Variants in TAGLN2 observed in about 807,000 individuals in gnomAD.
The protein encoded by TAGLN2 is transgelin-2.
A neutral mutation model predicts 24.9 loss-of-function variants in TAGLN2; 14 were observed. That is an observed-to-expected ratio of 0.56 (90% CI 0.37 to 0.88). The LOEUF is 0.88. Among genes scored for constraint, TAGLN2 ranks in the 40% least tolerant of loss-of-function variants. TAGLN2 has a pLI of 0.00. For synonymous variants in TAGLN2, 77 were observed against 98.2 expected (o/e 0.78, Z 1.28); for missense variants, 208 against 258.9 (o/e 0.80, Z 1.35).
chr1:159,924,666 G>C (rs1650646163), intron 1 of TAGLN2: 1 of 152,166 alleles, frequency 6.6e-6, no homozygotes, highest in Non-Finnish European at 1.5e-5. Context: ...CCCGCCGCTG[G>C]GGTGACGCAG....
intron 1 of TAGLN2, chr1:159,923,517 T>C: frequency 2.6e-6 from 4 of 1,534,198 alleles, no homozygotes; most frequent in African/African-American, 1.4e-5. Flanking sequence ...GGGTGTTTAA[T>C]TGGGAAGACA....
chr1:159,920,203 C>G, intron 2 of TAGLN2, 127 bp downstream of exon 2: 2 of 1,493,044 alleles, frequency 1.3e-6, no homozygotes, highest in Non-Finnish European at 1.9e-6. Flanking sequence ...CAAAGGCCTT[C>G]AAGCTGAGGA....
intron 1 of TAGLN2, among the ~76,000 whole-genome samples, chr1:159,923,081 A>C (rs1022671872): frequency 1.3e-5 from 2 of 152,242 alleles, no homozygotes; most frequent in African/African-American, 4.8e-5. Flanking sequence ...GGGCAGGCAG[A>C]AGCTGATGGG....
At chr1:159,923,365 C>CA (rs1408917512) in intron 1 of TAGLN2, 1 of 1,516,074 alleles carries the variant, frequency 6.6e-7, no homozygotes, top group African/African-American at 1.4e-5. Flanking sequence ...CCTGGAGTTA[C>CA]AATAGGCGGG....
At position 159,920,590 on chromosome 1, in the gene TAGLN2, T is replaced by C. The variant is rs1650500181; in HGVS notation, c.-28-53A>G. On this transcript the variant is annotated intron_variant, in intron 1 of 4. Coordinates refer to ENST00000368097, the MANE Select transcript of TAGLN2 (RefSeq NM_003564.3). Reference sequence around the variant, plus strand: ...GGTCAACACCTTGCAGCCTGGGGAGTGGGGAATTCAGGAATTCTGCCTGCA... The same window carrying C: ...GGTCAACACCTTGCAGCCTGGGGAGCGGGGAATTCAGGAATTCTGCCTGCA... The C allele has an allele frequency of 3.8e-6, 6 of 1,565,008 alleles. No individual in the cohort carries two copies. The South Asian group carries it at 4.7e-5, about 12-fold the overall frequency.
intron 1 of TAGLN2, chr1:159,923,324 C>A: frequency 7.9e-7 from 1 of 1,269,396 alleles, no homozygotes; most frequent in Non-Finnish European, 1.1e-6. Flanking sequence ...CCTAGCGCTA[C>A]TGCAGCTGTG....
chr1:159,921,411 C>T (rs1650529074), intron 1 of TAGLN2, among the ~76,000 whole-genome samples: 2 of 152,106 alleles, frequency 1.3e-5, no homozygotes, highest in African/African-American at 4.8e-5. Context: ...GTCAGAGTCA[C>T]ACAGGGCCAT....
At position 159,919,790 on chromosome 1, in the gene TAGLN2, G is replaced by C; in HGVS notation, c.226C>G (p.Pro76Ala). 1 of 1,614,082 alleles carries C rather than the reference G, an allele frequency of 6.2e-7. No homozygotes were observed. The highest frequency in any genetic ancestry group is 1.1e-5 in the South Asian group (1 of 91,074). Residue 76 changes from proline to alanine, a missense_variant, in exon 3 of 5, where the codon CCA becomes GCA. By Grantham distance (27) the Pro-to-Ala change is conservative (BLOSUM62 -1). Coordinates refer to ENST00000368097, the MANE Select transcript of TAGLN2 (RefSeq NM_003564.3). ...GTGGAGGCCTGGATCTTCTTTACTG[G>C]GGCCTGCCCCTCGGGGTACAGTGCA... ...INALYPEGQA[P>A]VKKIQASTMA...
At chr1:159,921,417 G>A (rs1051452155) in intron 1 of TAGLN2, among the ~76,000 whole-genome samples, 1 of 152,090 alleles carries the variant, frequency 6.6e-6, no homozygotes, top group South Asian at 2.1e-4. Context: ...GTCACACAGG[G>A]CCATGAACCA....
At position 159,918,919 on chromosome 1, in the gene TAGLN2, T is replaced by G; in HGVS notation, c.481A>C (p.Asn161His). ...FPKKSKENPR[N>H]FSDNQLQEGK... The stretch of plus-strand genomic sequence containing the variant: ...TCTTGCAGCTGGTTATCCGAGAAGT[T>G]CCGAGGATTCTCCTTGGATTTCCTG... The change falls in exon 5 of 5, where the codon AAC becomes CAC. Residue 161 changes from asparagine (N) to histidine (H), a missense_variant. Physicochemically the swap from Asn to His is moderately conservative, Grantham distance 68. Transcript: ENST00000368097. The G allele has an allele frequency of 1.2e-6, 2 of 1,614,150 alleles. No individual in the cohort carries two copies. Among genetic ancestry groups the G allele is most frequent in the Non-Finnish European group, 1.7e-6 (2 of 1,180,010 alleles).
chr1:159,924,563 CTCCGG>C (rs1441474766), intron 1 of TAGLN2: 1 of 152,370 alleles, frequency 6.6e-6, no homozygotes, highest in Non-Finnish European at 1.5e-5. Flanking sequence ...GGCAGTCCAC[CTCCGG>C]TCCTGCAGGT....
rs372231624 is a variant in TAGLN2, at chr1:159,919,806, G to A, written c.210C>T (p.Tyr70=). 4.5e-5 allele frequency: 73 copies of A among 1,614,058 alleles called. No individual in the cohort carries two copies. Among genetic ancestry groups the A allele is most frequent in the Non-Finnish European group, 6.0e-5 (71 of 1,180,028 alleles). ...TCTTTACTGGGGCCTGCCCCTCGGG[G>A]TACAGTGCATTAATGAGCTCACATA... is the stretch of plus-strand genomic sequence containing the variant. The part of the protein sequence containing the change: ...TVLCELINAL[Y]PEGQAPVKKI... Residue 70 remains tyrosine, a synonymous_variant, in exon 3 of 5, where the codon TAC becomes TAT. Coordinates refer to ENST00000368097, the MANE Select transcript of TAGLN2 (RefSeq NM_003564.3).
chr1:159,923,696 G>T, intron 1 of TAGLN2: 2 of 433,880 alleles, frequency 4.6e-6, no homozygotes, highest in South Asian at 4.5e-5. Flanking sequence ...GGGAACCACC[G>T]TAGGGCAGCC....
chr1:159,918,925 G>A lies in TAGLN2; in HGVS notation c.475C>T (p.Pro159Ser), dbSNP rs1184127847. 1.6e-5 allele frequency: 26 copies of A among 1,614,202 alleles called. No homozygotes were observed. The highest frequency in any genetic ancestry group is 2.2e-5 in the Non-Finnish European group (26 of 1,180,020). ...AGCTGGTTATCCGAGAAGTTCCGAG[G>A]ATTCTCCTTGGATTTCCTGGGTGAC... Reference protein sequence around the residue: ...NWFPKKSKENPRNFSDNQLQE... With the variant: ...NWFPKKSKENSRNFSDNQLQE... The change falls in exon 5 of 5, where the codon CCT (proline) becomes TCT (serine). Residue 159 changes from proline (P) to serine (S), a missense_variant. Physicochemically the swap from Pro to Ser is moderately conservative, Grantham distance 74. Transcript: ENST00000368097.
chr1:159,920,227 T>C lies in TAGLN2; in HGVS notation c.180+103A>G, dbSNP rs74124757. 2.0e-4 allele frequency: 316 copies of C among 1,564,906 alleles called. 2 individuals carry two copies. The Middle Eastern group carries it at 4.4e-3, about 22-fold the overall frequency. ...TCAAGCTGAGGAAGAGGCTGGGACA[T>C]GTGTGCCTTCAGTCTTCTCCTCTTC... On this transcript the variant is annotated intron_variant, in intron 2 of 4. Transcript: ENST00000368097.
At position 159,919,738 on chromosome 1, in the gene TAGLN2, A is replaced by T; in HGVS notation, c.278T>A (p.Ile93Asn). ...STMAFKQMEQ[I>N]SQFLQAAERY... ...CTCAGCTGCTTGCAGGAACTGAGAG[A>T]TCTGCTCCATCTGCTTGAAGGCCAT... The change falls in exon 3 of 5, where the codon ATC becomes AAC. Residue 93 changes from isoleucine to asparagine, a missense_variant. Transcript: ENST00000368097. 1 of 1,613,888 alleles carries T rather than the reference A, an allele frequency of 6.2e-7. No individual in the cohort carries two copies. Among genetic ancestry groups the T allele is most frequent in the Non-Finnish European group, 8.5e-7 (1 of 1,179,914 alleles).
At chr1:159,919,250 T>C in intron 4 of TAGLN2, 24 bp downstream of exon 4, 2 of 1,594,980 alleles carry the variant, frequency 1.3e-6, no homozygotes, top group East Asian at 2.2e-5. Flanking sequence ...TGCTGGACCC[T>C]GCGGCTGTCC....
Position 159,918,658 on chromosome 1 carries a change from G to A in TAGLN2, c.*142C>T, listed in dbSNP as rs1650421206. Reference sequence around the variant, plus strand: ...GAGGATGCCAGCAGGCACCTCAGAGGTGACAGGACAGGCTGAACCCCCCAC... The same window carrying A: ...GAGGATGCCAGCAGGCACCTCAGAGATGACAGGACAGGCTGAACCCCCCAC... On this transcript the variant is annotated 3_prime_UTR_variant, in exon 5 of 5. Coordinates refer to ENST00000368097, the MANE Select transcript of TAGLN2 (RefSeq NM_003564.3). 6 of 1,184,358 alleles carry A rather than the reference G, an allele frequency of 5.1e-6. No homozygotes were observed. Among genetic ancestry groups the A allele is most frequent in the Non-Finnish European group, 5.9e-6 (5 of 843,920 alleles). 73.4% of individuals were successfully genotyped at this position (1,184,358 alleles called of 1,614,324 possible).
chr1:159,921,978 C>T (rs906625143), intron 1 of TAGLN2, among the ~76,000 whole-genome samples: 7 of 152,224 alleles, frequency 4.6e-5, no homozygotes, highest in South Asian at 2.1e-4. Context: ...AGGCTGCTCA[C>T]GAAAGGGGAC....
Sources: gnomAD v4.1 joint callset for allele counts (sites outside exome capture counted in the v4.1 genomes callset) on GRCh38, gnomAD v4.1.1 for gene constraint, MANE v1.5 for transcripts, NCBI Gene and HGNC (gene_info 2026-07-23, HGNC 2026-07-21) for gene names.